MDGA2: variants seen among roughly 807,000 people sequenced by gnomAD.
MDGA2 encodes MAM domain-containing glycosylphosphatidylinositol anchor protein 2.
Under a neutral mutation model 117.8 loss-of-function variants are expected in MDGA2, and 40 were observed. The observed-to-expected ratio is 0.34, with a 90% CI of 0.26 to 0.44. The LOEUF (loss-of-function observed/expected upper bound fraction) is 0.44. MDGA2 is among the 20% of genes least tolerant of loss of function. The pLI, the probability that MDGA2 is intolerant of heterozygous loss-of-function variation, is 1.00. For synonymous variants in MDGA2, 452 were observed against 439.0 expected (o/e 1.03, Z -0.37); for missense variants, 1,123 against 1,250.6 (o/e 0.90, Z 1.54).
At position 47,409,057 on chromosome 14, in the gene MDGA2, C is replaced by T. The variant is rs944369278; in HGVS notation, c.281-107507G>A. On this transcript the variant is annotated intron_variant, in intron 1 of 16. Coordinates refer to ENST00000399232, the MANE Select transcript of MDGA2 (RefSeq NM_001113498.3). ...TGGATTGGTGGAAGACGGCATGTGG[C>T]GATAAAACCAGAAAGGCGGGGGGGA... Among the ~76,000 whole-genome samples, 11 of 151,974 alleles carry T rather than the reference C, an allele frequency of 7.2e-5. No individual in the cohort carries two copies. In the East Asian group the frequency reaches 1.9e-3, roughly 27 times the overall value.
At chr14:46,873,261 G>C in intron 14 of MDGA2, 172 bp downstream of exon 14, 1 of 535,262 alleles carries the variant, frequency 1.9e-6, no homozygotes, top group East Asian at 3.3e-5. Flanking sequence ...ATCTAAATTA[G>C]ATGGTGGGAA....
chr14:47,355,647 G>A lies in MDGA2; in HGVS notation c.281-54097C>T, dbSNP rs1202040904. ...CCCAATCCTAGAGAGCCCCCCAGATGAGGAGGACTTCCTCTGCTCCATAAA... is the reference window on the plus strand; with the variant it reads ...CCCAATCCTAGAGAGCCCCCCAGATAAGGAGGACTTCCTCTGCTCCATAAA... On this transcript the variant is annotated intron_variant, in intron 1 of 16. Transcript: ENST00000399232. 2.0e-5 allele frequency among the ~76,000 whole-genome samples: 3 copies of A among 151,986 alleles called. No individual in the cohort carries two copies. The East Asian group carries it at 5.8e-4, about 30-fold the overall frequency.
intron 2 of MDGA2, among the ~76,000 whole-genome samples, chr14:47,222,365 T>A (rs1024727067): frequency 6.6e-6 from 1 of 152,028 alleles, no homozygotes; most frequent in African/African-American, 2.4e-5. Flanking sequence ...GACATCACTT[T>A]TTGTAATATT....
In MDGA2 at chr14:47,179,034, G is replaced by A. The variant is rs370353800; in HGVS notation, c.596-34760C>T. On this transcript the variant is annotated intron_variant, in intron 3 of 16. Coordinates refer to ENST00000399232, the MANE Select transcript of MDGA2 (RefSeq NM_001113498.3). ...CCACCAGGGACTTTGGTAGATAACC[G>A]GTCTATATATCATTAGAATGTTAAC... Among the ~76,000 whole-genome samples the A allele has an allele frequency of 1.8e-4, 28 of 151,974 alleles. No homozygotes were observed. The East Asian group carries it at 3.3e-3, about 18-fold the overall frequency.
rs1469560972 is a variant in MDGA2 at position 46,863,319 on chromosome 14, T to G, written c.2753-8165A>C. ...GATACATATTACTTTCTGACTTTTA[T>G]TTTATTCAGAAATTTATTACCTCAA... On this transcript the variant is annotated intron_variant, in intron 14 of 16. Coordinates refer to ENST00000399232, the MANE Select transcript of MDGA2 (RefSeq NM_001113498.3). 2.0e-5 allele frequency among the ~76,000 whole-genome samples: 3 copies of G among 152,164 alleles called. No homozygotes were observed. The East Asian group carries it at 5.8e-4, about 29-fold the overall frequency.
intron 1 of MDGA2, among the ~76,000 whole-genome samples, chr14:47,472,273 T>C (rs923471342): frequency 6.6e-6 from 1 of 152,154 alleles, no homozygotes; most frequent in African/African-American, 2.4e-5. Context: ...AATGCATCAC[T>C]AGGCAATTCT....
intron 10 of MDGA2, among the ~76,000 whole-genome samples, chr14:46,897,993 G>A (rs1202257930): frequency 1.3e-5 from 2 of 151,828 alleles, no homozygotes; most frequent in Non-Finnish European, 2.9e-5. Context: ...AGATTTTTGA[G>A]TGCATTATGT....
chr14:47,064,775 G>T (rs1034501540), intron 6 of MDGA2, among the ~76,000 whole-genome samples: 10 of 152,144 alleles, frequency 6.6e-5, no homozygotes, highest in South Asian at 2.1e-4. Flanking sequence ...TGGGCAGCAG[G>T]TTCCTTCGTT....
Position 47,572,570 on chromosome 14 carries a change from G to C in MDGA2, c.280+101947C>G, listed in dbSNP as rs1386814442. Among the ~76,000 whole-genome samples, 4 of 152,128 alleles carry C rather than the reference G, an allele frequency of 2.6e-5. No individual in the cohort carries two copies. The East Asian group carries it at 7.7e-4, about 29-fold the overall frequency. Reference sequence around the variant, plus strand: ...CTAGGTCAATACTCAGGTTTTTGCAGAGTTGGCTTACAAAGGACCAAATAT... The same window carrying C: ...CTAGGTCAATACTCAGGTTTTTGCACAGTTGGCTTACAAAGGACCAAATAT... On this transcript the variant is annotated intron_variant, in intron 1 of 16. Coordinates refer to ENST00000399232, the MANE Select transcript of MDGA2 (RefSeq NM_001113498.3).
intron 10 of MDGA2, among the ~76,000 whole-genome samples, chr14:46,912,696 C>T (rs957750795): frequency 6.6e-6 from 1 of 152,144 alleles, no homozygotes; most frequent in African/African-American, 2.4e-5. Context: ...TAAATCTATA[C>T]AAAGGCACCA....
chr14:47,130,992 A>G (rs1025603839), intron 5 of MDGA2, among the ~76,000 whole-genome samples: 1 of 152,108 alleles, frequency 6.6e-6, no homozygotes, highest in African/African-American at 2.4e-5. Context: ...CGTTGTGCAC[A>G]TGTACCCTAG....
intron 1 of MDGA2, among the ~76,000 whole-genome samples, chr14:47,649,191 T>C (rs907675350): frequency 3.3e-5 from 5 of 152,188 alleles, no homozygotes; most frequent in Non-Finnish European, 5.9e-5. Context: ...TTCTTCTTAA[T>C]AAATGAGGGA....
intron 5 of MDGA2, among the ~76,000 whole-genome samples, chr14:47,113,268 T>A (rs983389652): frequency 6.6e-6 from 1 of 151,962 alleles, no homozygotes; most frequent in Non-Finnish European, 1.5e-5. Context: ...AATCCCTGAA[T>A]AGACCAATAA....
At chr14:47,213,377 G>T (rs1444313362) in intron 3 of MDGA2, among the ~76,000 whole-genome samples, 1 of 151,912 alleles carries the variant, frequency 6.6e-6, no homozygotes, top group Non-Finnish European at 1.5e-5. Context: ...AAAGAGCTTC[G>T]TTTTTTTCCT....
intron 3 of MDGA2, among the ~76,000 whole-genome samples, chr14:47,197,377 A>T (rs1178890171): frequency 6.6e-6 from 1 of 152,074 alleles, no homozygotes; most frequent in East Asian, 1.9e-4. Flanking sequence ...ATGTGAAGAC[A>T]AAGCAAGAAG....
intron 9 of MDGA2, among the ~76,000 whole-genome samples, chr14:46,953,270 T>C (rs1296705781): frequency 1.3e-5 from 2 of 151,750 alleles, no homozygotes; most frequent in African/African-American, 4.8e-5. Flanking sequence ...TTATAATTTA[T>C]GGTTATGCAA....
intron 9 of MDGA2, among the ~76,000 whole-genome samples, chr14:46,932,954 C>A (rs1233951047): frequency 6.6e-6 from 1 of 151,856 alleles, no homozygotes; most frequent in Non-Finnish European, 1.5e-5. Flanking sequence ...AAAGGAAAAT[C>A]AATTGTATTT....
At chr14:46,958,607 C>T (rs1885657030) in intron 8 of MDGA2, among the ~76,000 whole-genome samples, 1 of 152,136 alleles carries the variant, frequency 6.6e-6, no homozygotes, top group Non-Finnish European at 1.5e-5. Context: ...AAAATGATGC[C>T]TTAGGCAATG....
chr14:47,445,118 G>A (rs1202805934), intron 1 of MDGA2, among the ~76,000 whole-genome samples: 1 of 152,104 alleles, frequency 6.6e-6, no homozygotes, highest in African/African-American at 2.4e-5. Context: ...TGTATGGGTG[G>A]ACAAAAGTAA....
Sources: gnomAD v4.1 joint callset for allele counts (sites outside exome capture counted in the v4.1 genomes callset) on GRCh38, gnomAD v4.1.1 for gene constraint, MANE v1.5 for transcripts, NCBI Gene and HGNC (gene_info 2026-07-23, HGNC 2026-07-21) for gene names.